The following TRAPPC3 variants were observed in gnomAD, a reference collection of about 807,000 sequenced individuals.
TRAPPC3 encodes trafficking protein particle complex 3.
In TRAPPC3, 5 loss-of-function variants were observed where a neutral mutation model predicts 18.2. That is an observed-to-expected ratio of 0.28 (90% confidence interval 0.14 to 0.58). TRAPPC3 has a LOEUF of 0.58. Among genes scored for constraint, TRAPPC3 ranks in the 20% least tolerant of loss-of-function variants. The pLI is 0.91. For synonymous variants in TRAPPC3, 65 were observed against 84.2 expected (o/e 0.77, Z 1.25); for missense variants, 176 against 225.9 (o/e 0.78, Z 1.41).
Position 36,148,964 on chromosome 1 carries a change from T to C in TRAPPC3, c.42+373A>G, listed in dbSNP as rs528420774. On this transcript the variant is annotated intron_variant, in intron 1 of 4. Transcript: ENST00000373166. ...CAAATTACGTAAGCTCTCCAAGCTG[T>C]AAAACGGCAATGTTATCCATCTGAT... 14 of 807,476 alleles carry C rather than the reference T, an allele frequency of 1.7e-5. No individual in the cohort carries two copies. The Admixed American group carries it at 5.8e-4, about 34-fold the overall frequency. 50.0% of individuals were successfully genotyped at this position (807,476 alleles called of 1,614,324 possible).
At chr1:36,149,097 T>C in intron 1 of TRAPPC3, 1 of 1,408,882 alleles carries the variant, frequency 7.1e-7, no homozygotes, top group East Asian at 2.6e-5. Context: ...ATTACCGTCG[T>C]TGTTGTTGGC....
chr1:36,145,813 G>T (rs1005366874), intron 1 of TRAPPC3, among the ~76,000 whole-genome samples: 1 of 151,950 alleles, frequency 6.6e-6, no homozygotes, highest in Non-Finnish European at 1.5e-5. Flanking sequence ...TCGCACTGTC[G>T]CCCAGGCTGG....
chr1:36,138,717 T>C (rs1021528235), intron 3 of TRAPPC3, among the ~76,000 whole-genome samples: 1 of 152,170 alleles, frequency 6.6e-6, no homozygotes, highest in Non-Finnish European at 1.5e-5. Flanking sequence ...GGGTAGCTCT[T>C]ATTTTCTTCA....
At chr1:36,146,520 G>A (rs551296270) in intron 1 of TRAPPC3, among the ~76,000 whole-genome samples, 13 of 147,092 alleles carry the variant, frequency 8.8e-5, no homozygotes, top group Non-Finnish European at 1.6e-4. Flanking sequence ...TCCTGACCTC[G>A]TGATCTGCCC....
chr1:36,151,115 T>C (rs919343571), upstream of TRAPPC3, among the ~76,000 whole-genome samples: 9 of 152,210 alleles, frequency 5.9e-5, no homozygotes, highest in Admixed American at 2.0e-4. Flanking sequence ...ATTCCTCCTC[T>C]TGGCGTCTCT....
chr1:36,138,043 A>G, intron 3 of TRAPPC3, 65 bp from the exon 4 acceptor site: 1 of 1,609,354 alleles, frequency 6.2e-7, no homozygotes, highest in Non-Finnish European at 8.5e-7. Context: ...AGGGAAGGTG[A>G]CAGAACTGGC....
chr1:36,145,024 T>C (rs373928811), intron 1 of TRAPPC3, among the ~76,000 whole-genome samples: 1 of 151,734 alleles, frequency 6.6e-6, no homozygotes, highest in African/African-American at 2.4e-5. Context: ...GCTGATCTTT[T>C]TTTTCTTTTT....
At chr1:36,138,249 T>C (rs1008033935) in intron 3 of TRAPPC3, 55 of 1,539,464 alleles carry the variant, frequency 3.6e-5, no homozygotes, top group Admixed American at 2.5e-4. Flanking sequence ...ATCATACAAG[T>C]AAGCAACAAC....
intron 1 of TRAPPC3, among the ~76,000 whole-genome samples, chr1:36,147,822 C>T (rs1216386833): frequency 2.0e-5 from 3 of 152,076 alleles, no homozygotes; most frequent in Non-Finnish European, 4.4e-5. Context: ...TATGCTGCTG[C>T]CCCTCCCTAA....
intron 1 of TRAPPC3, chr1:36,140,420 G>A: frequency 8.9e-6 from 3 of 335,772 alleles, no homozygotes; most frequent in Non-Finnish European, 1.6e-5. Flanking sequence ...AACACACCAA[G>A]GTAGGCTTCT....
chr1:36,138,760 G>C (rs1644062500), intron 3 of TRAPPC3, among the ~76,000 whole-genome samples: 1 of 152,146 alleles, frequency 6.6e-6, no homozygotes, highest in Non-Finnish European at 1.5e-5. Flanking sequence ...GCCGGGCACA[G>C]TGGCTCACGC....
chr1:36,139,494 C>A (rs905426260), intron 3 of TRAPPC3: 3 of 568,736 alleles, frequency 5.3e-6, no homozygotes, highest in Non-Finnish European at 9.1e-6. Flanking sequence ...TCTGCTACAC[C>A]TTCACAGTGG....
upstream of TRAPPC3, among the ~76,000 whole-genome samples, chr1:36,151,710 C>T (rs1042230294): frequency 7.2e-5 from 11 of 152,192 alleles, no homozygotes; most frequent in African/African-American, 2.4e-4. Flanking sequence ...CTTACCACTT[C>T]TAGGTGCCAG....
upstream of TRAPPC3, among the ~76,000 whole-genome samples, chr1:36,152,426 GC>G (rs1644278048): frequency 6.6e-6 from 1 of 151,052 alleles, no homozygotes; most frequent in South Asian, 2.1e-4. Flanking sequence ...TCCTGCCTCA[GC>G]CTCCTGAGTA....
At chr1:36,143,658 T>TA (rs1454392384) in intron 1 of TRAPPC3, among the ~76,000 whole-genome samples, 13 of 152,316 alleles carry the variant, frequency 8.5e-5, no homozygotes, top group African/African-American at 3.1e-4. Context: ...ACATCTATTT[T>TA]TGTAACAGTT....
rs751289379 is a variant in TRAPPC3 at position 36,140,100 on chromosome 1, C to G, written c.109G>C (p.Asp37His). 1 of 1,605,142 alleles carries G rather than the reference C, an allele frequency of 6.2e-7. No homozygotes were observed. The change falls in exon 2 of 5, where the codon GAT becomes CAT. Residue 37 changes from aspartate to histidine, a missense_variant. By Grantham distance (81) the Asp-to-His change is moderately conservative (BLOSUM62 -1). Coordinates refer to ENST00000373166, the MANE Select transcript of TRAPPC3 (RefSeq NM_014408.5). ...TCCAGCTGTTTATTCACATCTTCAT[C>G]ATTTTCATAGTCCTTACATAGCTGG... is the stretch of plus-strand genomic sequence containing the variant. ...VTQLCKDYEN[D>H]EDVNKQLDKM...
chr1:36,146,650 C>T (rs968752927), intron 1 of TRAPPC3, among the ~76,000 whole-genome samples: 1 of 138,258 alleles, frequency 7.2e-6, no homozygotes, highest in African/African-American at 2.7e-5. Flanking sequence ...AATGAACAAA[C>T]TTGCCCAAGG....
At chr1:36,145,171 G>A (rs1268713934) in intron 1 of TRAPPC3, among the ~76,000 whole-genome samples, 7 of 151,672 alleles carry the variant, frequency 4.6e-5, no homozygotes, top group Non-Finnish European at 8.8e-5. Context: ...ACAGGCGCCC[G>A]CCACCACACC....
intron 3 of TRAPPC3, 183 bp from the exon 4 acceptor site, chr1:36,138,161 C>G (rs1644053369): frequency 1.3e-6 from 2 of 1,551,456 alleles, no homozygotes; most frequent in Admixed American, 3.9e-5. Flanking sequence ...CTGCACCCCT[C>G]TCCTTCACGG....
Sources: gnomAD v4.1 joint callset for allele counts (sites outside exome capture counted in the v4.1 genomes callset) on GRCh38, gnomAD v4.1.1 for gene constraint, MANE v1.5 for transcripts, NCBI Gene and HGNC (gene_info 2026-07-23, HGNC 2026-07-21) for gene names.